MYO10: variants seen among roughly 807,000 people sequenced by gnomAD.
MYO10 encodes the protein myosin X.
MYO10 carries 133 observed loss-of-function variants against 257.3 expected under a neutral mutation model. That is an observed-to-expected ratio of 0.52 (90% CI 0.45 to 0.60). The LOEUF is 0.60. MYO10 is among the 20% of genes least tolerant of loss of function. The probability of loss-of-function intolerance (pLI) is 0.00; values close to 1 mark genes in which losing one functional copy is unlikely to be tolerated. For synonymous variants in MYO10, 1,104 were observed against 1,028.6 expected (o/e 1.07, Z -1.40); for missense variants, 2,399 against 2,635.7 (o/e 0.91, Z 1.97).
At chr5:16,929,285 T>C (rs1444690749) in intron 1 of MYO10, among the ~76,000 whole-genome samples, 1 of 152,154 alleles carries the variant, frequency 6.6e-6, no homozygotes, top group Non-Finnish European at 1.5e-5. Flanking sequence ...CTGATGAACA[T>C]TTTCCTGCGG....
intron 19 of MYO10, among the ~76,000 whole-genome samples, chr5:16,734,464 T>G (rs910671451): frequency 6.6e-6 from 1 of 152,102 alleles, no homozygotes; most frequent in Non-Finnish European, 1.5e-5. Flanking sequence ...CACACCTGTT[T>G]TTTGCTGGGA....
chr5:16,930,588 A>G (rs1452280876), intron 1 of MYO10, among the ~76,000 whole-genome samples: 1 of 152,202 alleles, frequency 6.6e-6, no homozygotes, highest in African/African-American at 2.4e-5. Context: ...CTGACATTCC[A>G]TTCACCAAGG....
chr5:16,677,013 A>ATGTG (rs775526605), intron 33 of MYO10, among the ~76,000 whole-genome samples: 45 of 152,192 alleles, frequency 3.0e-4, no homozygotes, highest in Non-Finnish European at 5.9e-4. Context: ...ACACATTAAT[A>ATGTG]TATTCTTGGG....
At position 16,766,314 on chromosome 5, in the gene MYO10, G is replaced by A. The variant is rs1428021457; in HGVS notation, c.1061-116C>T. On this transcript the variant is annotated intron_variant, in intron 10 of 40. Coordinates refer to ENST00000513610, the MANE Select transcript of MYO10 (RefSeq NM_012334.3). ...ATCCCTCACGCAGAGTTTAGAGATT[G>A]CATGTTATTGCTAAGTTACTCATTC... 6.9e-6 allele frequency: 5 copies of A among 720,916 alleles called. No individual in the cohort carries two copies. The East Asian group carries it at 1.4e-4, about 20-fold the overall frequency. The allele number at this position is 720,916 out of a possible 1,614,324, so 44.7% of individuals were successfully genotyped here.
intron 2 of MYO10, among the ~76,000 whole-genome samples, chr5:16,859,627 A>G (rs910121387): frequency 1.3e-5 from 2 of 152,166 alleles, no homozygotes; most frequent in African/African-American, 4.8e-5. Flanking sequence ...CATGCCTGTA[A>G]TCCCAGTTAC....
At chr5:16,915,955 T>G (rs1745803341) in intron 1 of MYO10, 3 of 377,280 alleles carry the variant, frequency 8.0e-6, no homozygotes, top group South Asian at 4.9e-5. Context: ...AGACTCTACG[T>G]CAAAAAGAAA....
intron 2 of MYO10, among the ~76,000 whole-genome samples, chr5:16,855,708 T>C (rs1002360436): frequency 3.3e-5 from 5 of 152,212 alleles, no homozygotes; most frequent in African/African-American, 1.2e-4. Flanking sequence ...CTCCAACCCA[T>C]TGTCATAAGA....
rs563820118 is a variant in MYO10 at position 16,751,407 on chromosome 5, A to G, written c.1929+3421T>C. On this transcript the variant is annotated intron_variant, in intron 19 of 40. Coordinates refer to ENST00000513610, the MANE Select transcript of MYO10 (RefSeq NM_012334.3). Reference sequence around the variant, plus strand: ...TTGCCATAATCAAATTAGCATCTCCATCTACCATCACACCTGCATTTTAGG... The same window carrying G: ...TTGCCATAATCAAATTAGCATCTCCGTCTACCATCACACCTGCATTTTAGG... Among the ~76,000 whole-genome samples the G allele has an allele frequency of 9.8e-4, 149 of 152,346 alleles. 2 individuals carry two copies. The highest frequency in any genetic ancestry group is 3.4e-3 in the African/African-American group (143 of 41,588).
intron 2 of MYO10, among the ~76,000 whole-genome samples, chr5:16,859,211 C>T (rs1744045565): frequency 6.6e-6 from 1 of 152,200 alleles, no homozygotes; most frequent in African/African-American, 2.4e-5. Flanking sequence ...AAATCTATTT[C>T]TCCTGGTTCT....
At chr5:16,899,055 C>T (rs2625173) in intron 1 of MYO10, among the ~76,000 whole-genome samples, 58,627 of 146,428 alleles carry the variant, frequency 0.4, 12,241 homozygotes, top group Admixed American at 0.51. Context: ...GAATCACTTG[C>T]GCCCGGGAGG....
intron 2 of MYO10, among the ~76,000 whole-genome samples, chr5:16,826,948 G>A (rs1341007837): frequency 2.0e-5 from 3 of 152,138 alleles, no homozygotes; most frequent in Admixed American, 6.6e-5. Context: ...ACTGGTGTAT[G>A]CGTGCTTAAG....
chr5:16,693,613 T>G (rs1358128172), intron 27 of MYO10, among the ~76,000 whole-genome samples: 1 of 152,242 alleles, frequency 6.6e-6, no homozygotes, highest in African/African-American at 2.4e-5. Flanking sequence ...AGGCATTAAT[T>G]TGATCCCTCA....
chr5:16,760,902 G>A (rs907939885), intron 17 of MYO10, among the ~76,000 whole-genome samples: 3 of 152,030 alleles, frequency 2.0e-5, no homozygotes, highest in Admixed American at 6.6e-5. Flanking sequence ...ATAACAGTAT[G>A]TTACTTATAC....
intron 19 of MYO10, among the ~76,000 whole-genome samples, chr5:16,716,899 T>G (rs909798081): frequency 6.6e-6 from 1 of 152,168 alleles, no homozygotes; most frequent in South Asian, 2.1e-4. Flanking sequence ...AGTGGTGTGA[T>G]CTTGGCTTAC....
intron 1 of MYO10, among the ~76,000 whole-genome samples, chr5:16,888,684 G>A (rs1744960425): frequency 6.6e-6 from 1 of 151,782 alleles, no homozygotes; most frequent in Admixed American, 6.6e-5. Flanking sequence ...CGAGGATACA[G>A]TGAGCTCTGA....
At chr5:16,689,974 CTG>C (rs1408956417) in intron 27 of MYO10, 55 bp from the exon 28 acceptor site, 2 of 1,297,060 alleles carry the variant, frequency 1.5e-6, no homozygotes. Context: ...TTCTGAATAA[CTG>C]AGGAAAGCAA....
chr5:16,876,050 T>TGG (rs1242143408), intron 2 of MYO10, among the ~76,000 whole-genome samples: 1 of 152,054 alleles, frequency 6.6e-6, no homozygotes, highest in East Asian at 1.9e-4. Context: ...GAGGCGAAGG[T>TGG]TACAGTGAAC....
chr5:16,801,700 A>G (rs1742125862), intron 3 of MYO10, among the ~76,000 whole-genome samples: 1 of 152,196 alleles, frequency 6.6e-6, no homozygotes, highest in African/African-American at 2.4e-5. Context: ...ACTAAGATAC[A>G]TATGTTCATA....
intron 4 of MYO10, among the ~76,000 whole-genome samples, chr5:16,784,808 G>A (rs558323851): frequency 6.6e-6 from 1 of 152,190 alleles, no homozygotes; most frequent in Non-Finnish European, 1.5e-5. Flanking sequence ...TGTAATAAAA[G>A]AGAAGAAATG....
Sources: gnomAD v4.1 joint callset for allele counts (sites outside exome capture counted in the v4.1 genomes callset) on GRCh38, gnomAD v4.1.1 for gene constraint, MANE v1.5 for transcripts, NCBI Gene and HGNC (gene_info 2026-07-23, HGNC 2026-07-21) for gene names.